Variants in FAM107B observed in about 807,000 individuals in gnomAD.
FAM107B encodes family with sequence similarity 107 member B.
Under a neutral mutation model 31.5 loss-of-function variants are expected in FAM107B, and 21 were observed. That is an observed-to-expected ratio of 0.67 (90% CI 0.47 to 0.96). The LOEUF (loss-of-function observed/expected upper bound fraction) is 0.96. Among genes scored for constraint, FAM107B ranks in the 40% least tolerant of loss-of-function variants. The pLI is 0.00. For synonymous variants in FAM107B, 157 were observed against 141.5 expected, an observed-to-expected ratio of 1.11 and a Z score of -0.78; for missense variants, 452 against 377.1, an observed-to-expected ratio of 1.20 and a Z score of -1.64.
chr10:14,541,537 A>AGCCT (rs1371970959), intron 2 of FAM107B, among the ~76,000 whole-genome samples: 1 of 152,088 alleles, frequency 6.6e-6, no homozygotes, highest in Non-Finnish European at 1.5e-5. Context: ...ACCAGCTCAC[A>AGCCT]GCCTGCCTCC....
chr10:14,696,949 GC>G (rs1474913777), intron 1 of FAM107B, among the ~76,000 whole-genome samples: 4 of 152,068 alleles, frequency 2.6e-5, no homozygotes, highest in Non-Finnish European at 4.4e-5. Context: ...GTTTACTGTG[GC>G]CCTGAATCAA....
At chr10:14,583,009 C>T (rs1008162166) in intron 2 of FAM107B, among the ~76,000 whole-genome samples, 1 of 151,416 alleles carries the variant, frequency 6.6e-6, no homozygotes, top group African/African-American at 2.4e-5. Context: ...TTGCTTGAAC[C>T]CAGCGGGGTG....
At chr10:14,647,524 G>T (rs1337097889) in intron 2 of FAM107B, among the ~76,000 whole-genome samples, 1 of 151,678 alleles carries the variant, frequency 6.6e-6, no homozygotes, top group African/African-American at 2.4e-5. Context: ...ACTAAAAAAA[G>T]TACAAAAAAA....
chr10:14,669,389 G>T, intron 1 of FAM107B, among the ~76,000 whole-genome samples: 1 of 132,588 alleles, frequency 7.5e-6, no homozygotes, highest in African/African-American at 2.7e-5. Context: ...AAAAAAGGAA[G>T]AAAGAAATGT....
At chr10:14,728,316 T>C (rs945349529) in intron 1 of FAM107B, among the ~76,000 whole-genome samples, 31 of 151,734 alleles carry the variant, frequency 2.0e-4, no homozygotes, top group African/African-American at 7.3e-4. Flanking sequence ...ATTATTTCTT[T>C]CTTTGGTATA....
chr10:14,594,509 A>AC (rs1852119833), intron 2 of FAM107B, among the ~76,000 whole-genome samples: 1 of 134,002 alleles, frequency 7.5e-6, no homozygotes, highest in Non-Finnish European at 1.6e-5. Context: ...GCCAAAAAAA[A>AC]AAAAAAAACA....
intron 1 of FAM107B, among the ~76,000 whole-genome samples, chr10:14,754,094 A>T (rs1287464077): frequency 6.6e-6 from 1 of 152,022 alleles, no homozygotes; most frequent in Non-Finnish European, 1.5e-5. Context: ...ATGTGCCACC[A>T]TGCCTGGCTA....
At chr10:14,565,656 A>T (rs1198076731) in intron 2 of FAM107B, among the ~76,000 whole-genome samples, 1 of 152,220 alleles carries the variant, frequency 6.6e-6, no homozygotes, top group East Asian at 1.9e-4. Flanking sequence ...ATACGTAGAT[A>T]TGACAGCCAA....
chr10:14,533,683 C>T (rs1283744706), intron 2 of FAM107B, among the ~76,000 whole-genome samples: 3 of 152,176 alleles, frequency 2.0e-5, no homozygotes, highest in East Asian at 1.9e-4. Context: ...CTTTCCTGGA[C>T]GTCAGTGTTG....
intron 2 of FAM107B, among the ~76,000 whole-genome samples, chr10:14,578,151 A>G (rs943246136): frequency 6.6e-6 from 1 of 152,202 alleles, no homozygotes; most frequent in Non-Finnish European, 1.5e-5. Context: ...GCTTCCAAGC[A>G]GAATGAGCAA....
At chr10:14,561,279 T>G (rs1279386000) in intron 2 of FAM107B, among the ~76,000 whole-genome samples, 3 of 152,206 alleles carry the variant, frequency 2.0e-5, no homozygotes, top group African/African-American at 7.2e-5. Context: ...GGCAGCCAAC[T>G]GACAAACCGA....
chr10:14,647,516 T>C (rs1166642903), intron 2 of FAM107B, among the ~76,000 whole-genome samples: 1 of 151,772 alleles, frequency 6.6e-6, no homozygotes, highest in Non-Finnish European at 1.5e-5. Flanking sequence ...CCGTCTCTAC[T>C]AAAAAAAGTA....
intron 2 of FAM107B, among the ~76,000 whole-genome samples, chr10:14,623,686 C>T (rs1439576199): frequency 2.0e-5 from 3 of 152,052 alleles, no homozygotes; most frequent in African/African-American, 7.3e-5. Flanking sequence ...ATTAGCTGGG[C>T]GTGGTAGTGC....
chr10:14,772,362 A>AAATATATAT (rs10651238), intron 1 of FAM107B, among the ~76,000 whole-genome samples: 2 of 145,590 alleles, frequency 1.4e-5, no homozygotes, highest in African/African-American at 5.2e-5. Flanking sequence ...TTAAAAAAAA[A>AAATATATAT]ATATATATAT....
At chr10:14,701,647 A>G (rs997529038) in intron 1 of FAM107B, among the ~76,000 whole-genome samples, 3 of 152,214 alleles carry the variant, frequency 2.0e-5, no homozygotes, top group African/African-American at 7.2e-5. Context: ...GTCATCTCCC[A>G]ACATCATCTT....
intron 1 of FAM107B, among the ~76,000 whole-genome samples, chr10:14,761,263 A>T (rs945230466): frequency 6.6e-6 from 1 of 152,204 alleles, no homozygotes; most frequent in East Asian, 1.9e-4. Context: ...AGAATCAAAC[A>T]TTGGTTTTGC....
At chr10:14,725,725 C>G (rs144148346) in intron 1 of FAM107B, among the ~76,000 whole-genome samples, 4 of 151,908 alleles carry the variant, frequency 2.6e-5, no homozygotes, top group African/African-American at 7.3e-5. Context: ...CTTATCTAAA[C>G]CTAATTATCT....
At chr10:14,738,196 G>C (rs1047487852) in intron 1 of FAM107B, among the ~76,000 whole-genome samples, 3 of 152,158 alleles carry the variant, frequency 2.0e-5, no homozygotes, top group African/African-American at 7.2e-5. Context: ...ATAAATGACT[G>C]GATTGGAATC....
chr10:14,700,158 C>T (rs540861883), intron 1 of FAM107B, among the ~76,000 whole-genome samples: 1 of 152,220 alleles, frequency 6.6e-6, no homozygotes, highest in South Asian at 2.1e-4. Flanking sequence ...GTCTCAAACT[C>T]CTGACCTCAA....
Sources: gnomAD v4.1 joint callset for allele counts (sites outside exome capture counted in the v4.1 genomes callset) on GRCh38, gnomAD v4.1.1 for gene constraint, MANE v1.5 for transcripts, NCBI Gene and HGNC (gene_info 2026-07-23, HGNC 2026-07-21) for gene names.